Variants in MYO1E observed in about 807,000 individuals in gnomAD.
The protein encoded by MYO1E is unconventional myosin-Ie.
MYO1E carries 68 observed loss-of-function variants against 151.1 expected under a neutral mutation model. The ratio of observed to expected loss-of-function variants is 0.45; its 90% CI spans 0.37 to 0.55. The LOEUF (loss-of-function observed/expected upper bound fraction) is 0.55, where lower values mean the gene tolerates loss of function less well. Among genes scored for constraint, MYO1E ranks in the 20% least tolerant of loss-of-function variants. The pLI, the probability that MYO1E is intolerant of heterozygous loss-of-function variation, is 0.00. For missense variants in MYO1E, 1,363 were observed against 1,389.3 expected (o/e 0.98, Z 0.30); for synonymous variants, 601 against 501.7 (o/e 1.20, Z -2.64).
chr15:59,303,850 A>G (rs1407188608), intron 1 of MYO1E, among the ~76,000 whole-genome samples: 1 of 152,092 alleles, frequency 6.6e-6, no homozygotes, highest in Non-Finnish European at 1.5e-5. Context: ...GATAAAATTA[A>G]CAACAACAGC....
chr15:59,272,419 G>A lies in MYO1E; in HGVS notation c.34C>T (p.Gln12Ter), dbSNP rs1456496520. Reference sequence around the variant, plus strand: ...CCACTGTGCTTGACATTGTGGCTTTGCCAGTGGTACTGGTAGACACCTTTG... The same window carrying A: ...CCACTGTGCTTGACATTGTGGCTTTACCAGTGGTACTGGTAGACACCTTTG... ...GSKGVYQYHW[Q>*]SHNVKHSGVD... The change falls in exon 2 of 28, where the codon CAA (glutamine) becomes TAA (stop). Residue 12 changes from glutamine (Q) to a stop codon, truncating the protein, a stop_gained. Coordinates refer to ENST00000288235, the MANE Select transcript of MYO1E (RefSeq NM_004998.4). LOFTEE classifies it high-confidence loss of function. The A allele has an allele frequency of 6.2e-7, 1 of 1,614,048 alleles. No homozygotes were observed. Among genetic ancestry groups the A allele is most frequent in the Non-Finnish European group, 8.5e-7 (1 of 1,179,976 alleles).
chr15:59,150,401 G>C (rs1165924008), intron 26 of MYO1E, among the ~76,000 whole-genome samples: 2 of 152,206 alleles, frequency 1.3e-5, no homozygotes, highest in Non-Finnish European at 2.9e-5. Flanking sequence ...TTCCTAAATT[G>C]CCTACTTTTG....
chr15:59,307,148 C>T (rs1418248263), intron 1 of MYO1E, among the ~76,000 whole-genome samples: 1 of 152,170 alleles, frequency 6.6e-6, no homozygotes, highest in East Asian at 1.9e-4. Context: ...TTTTATTTAA[C>T]TGAAAATGTA....
chr15:59,234,776 T>C (rs978000667), intron 5 of MYO1E, among the ~76,000 whole-genome samples: 7 of 135,318 alleles, frequency 5.2e-5, no homozygotes, highest in Admixed American at 5.1e-4. Context: ...TGAGCTGAGA[T>C]CATGCCACTG....
intron 2 of MYO1E, chr15:59,270,896 T>G (rs943464356): frequency 6.6e-6 from 1 of 152,016 alleles, no homozygotes. Context: ...CCTCAAGTGA[T>G]CCACCCGCCT....
At position 59,302,106 on chromosome 15, in the gene MYO1E, A is replaced by G. The variant is rs114741069; in HGVS notation, c.4-29657T>C. 4.2e-3 allele frequency among the ~76,000 whole-genome samples: 638 copies of G among 152,292 alleles called. 5 individuals carry two copies. The highest frequency in any genetic ancestry group is 0.015 in the African/African-American group (626 of 41,552). On this transcript the variant is annotated intron_variant, in intron 1 of 27. Coordinates refer to ENST00000288235, the MANE Select transcript of MYO1E (RefSeq NM_004998.4). ...ATGGGGTCTGGCCAATTCTCAGGAAAGTCCCAGGCACCATGAGCATCAGAT... is the reference window on the plus strand; with the variant it reads ...ATGGGGTCTGGCCAATTCTCAGGAAGGTCCCAGGCACCATGAGCATCAGAT...
At chr15:59,361,773 C>G (rs188941530) in intron 1 of MYO1E, among the ~76,000 whole-genome samples, 341 of 152,124 alleles carry the variant, frequency 2.2e-3, no homozygotes, top group Non-Finnish European at 4.3e-3. Context: ...CTCTTTCCCC[C>G]TTCAGTATTT....
chr15:59,206,851 G>A, intron 14 of MYO1E: 2 of 1,366,642 alleles, frequency 1.5e-6, no homozygotes, highest in Non-Finnish European at 2.0e-6. Context: ...GTAGAGTGCT[G>A]AAGGTCCTGC....
intron 21 of MYO1E, 65 bp from the exon 22 acceptor site, chr15:59,172,107 A>G: frequency 6.4e-7 from 1 of 1,570,362 alleles, no homozygotes; most frequent in Non-Finnish European, 8.6e-7. Context: ...CTGTAATCCC[A>G]GTACTTTCGG....
intron 9 of MYO1E, among the ~76,000 whole-genome samples, chr15:59,219,203 A>T (rs946262618): frequency 6.6e-5 from 10 of 152,192 alleles, no homozygotes; most frequent in Admixed American, 1.3e-4. Context: ...AAACTTACCA[A>T]GGAGGGCTAG....
At chr15:59,214,195 A>G in intron 12 of MYO1E, 33 bp downstream of exon 12, 1 of 1,521,144 alleles carries the variant, frequency 6.6e-7, no homozygotes, top group Non-Finnish European at 9.0e-7. Flanking sequence ...TAAATTATAA[A>G]TAGAATAGGA....
At chr15:59,364,469 C>G (rs542044469) in intron 1 of MYO1E, among the ~76,000 whole-genome samples, 1 of 152,200 alleles carries the variant, frequency 6.6e-6, no homozygotes, top group South Asian at 2.1e-4. Context: ...TTATGACACA[C>G]AGTGAGTAAT....
chr15:59,220,439 ACT>A (rs1343742162), intron 9 of MYO1E, among the ~76,000 whole-genome samples: 2 of 152,148 alleles, frequency 1.3e-5, no homozygotes, highest in African/African-American at 2.4e-5. Context: ...ACACAGAAAG[ACT>A]CTGTCTCAAA....
chr15:59,163,164 T>C lies in MYO1E; in HGVS notation c.2620A>G (p.Ser874Gly), dbSNP rs139507903. 5 of 1,614,004 alleles carry C rather than the reference T, an allele frequency of 3.1e-6. No individual in the cohort carries two copies. The African/African-American group carries it at 4.0e-5, about 13-fold the overall frequency. Residue 874 changes from serine to glycine, a missense_variant, in exon 23 of 28, where the codon AGC (serine) becomes GGC (glycine). Coordinates refer to ENST00000288235, the MANE Select transcript of MYO1E (RefSeq NM_004998.4). Reference sequence around the variant, plus strand: ...TCCCAGATCCGGACTTACGTATTGCTGAATTTCAGAGGTAGTTGCTTCTGG... The same window carrying C: ...TCCCAGATCCGGACTTACGTATTGCCGAATTTCAGAGGTAGTTGCTTCTGG... ...KTQKQLPLKF[S>G]NTLELKLKKE...
chr15:59,205,264 G>C, intron 15 of MYO1E, 136 bp downstream of exon 15: 2 of 879,922 alleles, frequency 2.3e-6, no homozygotes, highest in Admixed American at 1.7e-5. Context: ...CTAGGATCAA[G>C]TGATCCTCCT....
At chr15:59,262,054 T>C (rs764990759) in intron 2 of MYO1E, among the ~76,000 whole-genome samples, 20 of 151,824 alleles carry the variant, frequency 1.3e-4, no homozygotes, top group Non-Finnish European at 2.4e-4. Context: ...ATACAAAAAT[T>C]AGCCAGCTGT....
At chr15:59,223,346 T>C (rs1596373395) in intron 8 of MYO1E, among the ~76,000 whole-genome samples, 155 bp from the exon 9 acceptor site, 6 of 149,526 alleles carry the variant, frequency 4.0e-5, no homozygotes, top group Admixed American at 4.0e-4. Flanking sequence ...AAACATAAGA[T>C]TGGGTTGTGC....
intron 1 of MYO1E, among the ~76,000 whole-genome samples, chr15:59,284,302 T>C (rs1417893247): frequency 6.6e-6 from 1 of 152,022 alleles, no homozygotes; most frequent in Non-Finnish European, 1.5e-5. Flanking sequence ...AAGGAAGAAA[T>C]AAGTTTCCAA....
chr15:59,270,186 C>T (rs867029816), intron 2 of MYO1E, among the ~76,000 whole-genome samples: 1 of 152,182 alleles, frequency 6.6e-6, no homozygotes, highest in East Asian at 1.9e-4. Context: ...TTGCACCACA[C>T]ACAATAAGTA....
Sources: allele counts gnomAD v4.1 joint callset (sites outside exome capture counted in the v4.1 genomes callset), GRCh38; gene constraint gnomAD v4.1.1; transcripts MANE v1.5; gene names NCBI Gene and HGNC (gene_info 2026-07-23, HGNC 2026-07-21).